ARID1B: variants seen among roughly 807,000 people sequenced by gnomAD.
ARID1B encodes the protein AT-rich interactive domain-containing protein 1B.
A neutral mutation model predicts 212.3 loss-of-function variants in ARID1B; 30 were observed. The ratio of observed to expected loss-of-function variants is 0.14; its 90% confidence interval spans 0.11 to 0.19. The LOEUF is 0.19. Ranked by LOEUF, ARID1B falls within the 10% of genes least tolerant of loss-of-function variation. The pLI is 1.00. For missense variants in ARID1B, 2,891 were observed against 3,204.0 expected, an observed-to-expected ratio of 0.90 and a Z score of 2.36; for synonymous variants, 1,402 against 1,301.7, an observed-to-expected ratio of 1.08 and a Z score of -1.66.
At chr6:156,799,485 T>C (rs1189188402) in intron 1 of ARID1B, among the ~76,000 whole-genome samples, 1 of 152,208 alleles carries the variant, frequency 6.6e-6, no homozygotes, top group Non-Finnish European at 1.5e-5. Context: ...TCAGTTGATA[T>C]ATATATATTT....
At chr6:156,988,846 A>T (rs536861816) in intron 4 of ARID1B, among the ~76,000 whole-genome samples, 1 of 152,280 alleles carries the variant, frequency 6.6e-6, no homozygotes, top group East Asian at 1.9e-4. Context: ...CCAGTTCCTT[A>T]CCTGTAACCT....
intron 5 of ARID1B, among the ~76,000 whole-genome samples, chr6:157,101,047 T>C (rs1368543444): frequency 2.0e-5 from 3 of 152,242 alleles, no homozygotes; most frequent in Non-Finnish European, 4.4e-5. Context: ...CCGATTTCCA[T>C]GAGGCTGTAC....
At chr6:156,876,543 C>G (rs970275410) in intron 2 of ARID1B, among the ~76,000 whole-genome samples, 1 of 152,196 alleles carries the variant, frequency 6.6e-6, no homozygotes, top group Non-Finnish European at 1.5e-5. Flanking sequence ...CCCCAGTCCA[C>G]CGTTTGCCCC....
At chr6:157,022,546 C>G (rs1363472747) in intron 4 of ARID1B, 1 of 152,196 alleles carries the variant, frequency 6.6e-6, no homozygotes, top group Non-Finnish European at 1.5e-5. Flanking sequence ...ATGTTGCAAT[C>G]TGCAATCTAG....
chr6:157,205,976 C>G, intron 19 of ARID1B, 191 bp from the exon 20 acceptor site: 1 of 661,378 alleles, frequency 1.5e-6, no homozygotes, highest in Non-Finnish European at 2.7e-6. Context: ...TTAGTTTATA[C>G]TGTAAAATTC....
Position 156,778,634 on chromosome 6 carries a change from C to T in ARID1B, c.954C>T (p.Gly318=), listed in dbSNP as rs745740327. The T allele has an allele frequency of 1.7e-4, 250 of 1,443,964 alleles. 1 individual carries two copies. The South Asian group carries it at 3.3e-3, about 19-fold the overall frequency. 89.4% of individuals were successfully genotyped at this position (1,443,964 alleles called of 1,614,324 possible). A position where few individuals can be genotyped will look rare whatever the true frequency, so the allele number is the denominator to read the frequency against. Residue 318 remains glycine (G), a synonymous_variant, in exon 1 of 20, where the codon GGC becomes GGT. Transcript: ENST00000636930. The stretch of plus-strand genomic sequence containing the variant: ...TCCCGGAGTTTAATAATTACTATGG[C>T]AGCGCTGCCCCTGCGAGCGGCGGCC... ...AAVPEFNNYY[G]SAAPASGGPG...
chr6:156,921,691 A>G (rs562915485), intron 3 of ARID1B, among the ~76,000 whole-genome samples: 1 of 152,352 alleles, frequency 6.6e-6, no homozygotes, highest in Admixed American at 6.5e-5. Context: ...CAAATGATCC[A>G]TTTTAACATC....
chr6:157,071,252 A>G (rs1341680666), intron 4 of ARID1B: 1 of 152,214 alleles, frequency 6.6e-6, no homozygotes, highest in Non-Finnish European at 1.5e-5. Context: ...ACACAAGGGC[A>G]CACCTTGGAA....
At chr6:157,118,391 T>TA (rs1787474977) in intron 6 of ARID1B, among the ~76,000 whole-genome samples, 1 of 152,244 alleles carries the variant, frequency 6.6e-6, no homozygotes, top group Non-Finnish European at 1.5e-5. Flanking sequence ...TTTCTAGTTT[T>TA]AAAGAGTAAG....
In ARID1B at chr6:157,148,810, T is replaced by C; in HGVS notation, c.2948T>C (p.Met983Thr). The C allele has an allele frequency of 6.2e-7, 1 of 1,612,972 alleles. No individual in the cohort carries two copies. Among genetic ancestry groups the C allele is most frequent in the African/African-American group, 1.3e-5 (1 of 75,026 alleles). ...CAGAACAGACCATTTCCTGGAAATA[T>C]GAGCAGCATGACCCCCAGTTCTCCT... ...GMQNRPFPGN[M>T]SSMTPSSPGM... is the part of the protein sequence containing the mutation. The change falls in exon 8 of 20, where the codon ATG becomes ACG. Residue 983 changes from methionine (M) to threonine (T), a missense_variant. Met to Thr is a moderately conservative substitution (Grantham distance 81, BLOSUM62 -1). Around this residue, in one of 7 missense-constraint regions of ARID1B, gnomAD observed 1,643 missense variants for 1,544.0 expected, o/e 1.06. Coordinates refer to ENST00000636930, the MANE Select transcript of ARID1B (RefSeq NM_001374828.1). This position sits in a 1 kb window ranked among gnomAD's most constrained non-coding sequence, Gnocchi z 5.6.
intron 6 of ARID1B, among the ~76,000 whole-genome samples, chr6:157,126,413 C>T (rs900718387): frequency 2.0e-5 from 3 of 152,070 alleles, no homozygotes; most frequent in African/African-American, 4.8e-5. Flanking sequence ...TAACTTCTCT[C>T]TAAGGATTTT....
chr6:156,860,808 CAG>C lies in ARID1B; in HGVS notation c.1986+31389_1986+31390del, dbSNP rs953877175. Among the ~76,000 whole-genome samples, 4 of 152,182 alleles carry C rather than the reference CAG, an allele frequency of 2.6e-5. No individual in the cohort carries two copies. The East Asian group carries it at 5.8e-4, about 22-fold the overall frequency. ...CATAATTAGGACATAGAACTTAAAA[CAG>C]AAATTCTTTTTTTTCCCCCTCTACT... On this transcript the variant is annotated intron_variant, in intron 2 of 19. Coordinates refer to ENST00000636930, the MANE Select transcript of ARID1B (RefSeq NM_001374828.1).
Position 156,778,292 on chromosome 6 carries a change from A to AACAGCAG in ARID1B, c.612_613insACAGCAG (p.Gln205ThrfsTer112). On this transcript the variant is annotated frameshift_variant, in exon 1 of 20. Coordinates refer to ENST00000636930, the MANE Select transcript of ARID1B (RefSeq NM_001374828.1). LOFTEE classifies it high-confidence loss of function. ...TCCAGCAGCAGCAGCAGCAGCAGCA[A>AACAGCAG]CAGCAGCAGCAGCAGCAGCAGCAAC... is the stretch of plus-strand genomic sequence containing the variant. The AACAGCAG allele has an allele frequency of 1.3e-6, 2 of 1,518,318 alleles. No individual in the cohort carries two copies. Among genetic ancestry groups the AACAGCAG allele is most frequent in the African/African-American group, 1.6e-5 (1 of 64,486 alleles). The allele number at this position is 1,518,318 out of a possible 1,614,324, so 94.1% of individuals were successfully genotyped here.
At chr6:157,076,200 A>C (rs1327833501) in intron 4 of ARID1B, among the ~76,000 whole-genome samples, 4 of 152,246 alleles carry the variant, frequency 2.6e-5, no homozygotes, top group Non-Finnish European at 5.9e-5. Context: ...GTAGAATATC[A>C]AAATAACCAA....
chr6:157,041,931 G>A (rs556178676), intron 4 of ARID1B, among the ~76,000 whole-genome samples: 1 of 152,218 alleles, frequency 6.6e-6, no homozygotes, highest in South Asian at 2.1e-4. Context: ...CCCTGTGCCT[G>A]CCTCCTTGCG....
chr6:156,787,168 G>A (rs1201209869), intron 1 of ARID1B, among the ~76,000 whole-genome samples: 1 of 151,824 alleles, frequency 6.6e-6, no homozygotes, highest in African/African-American at 2.4e-5. Flanking sequence ...ATATAGAATG[G>A]TCCTTTTTCT....
intron 1 of ARID1B, among the ~76,000 whole-genome samples, chr6:156,793,920 C>A (rs1052364161): frequency 2.0e-5 from 3 of 152,236 alleles, no homozygotes; most frequent in African/African-American, 7.2e-5. Context: ...GCAATCCTTT[C>A]AACAGTCTTG....
chr6:156,813,463 T>C (rs1302354801), intron 1 of ARID1B, among the ~76,000 whole-genome samples: 3 of 152,160 alleles, frequency 2.0e-5, no homozygotes, highest in Non-Finnish European at 2.9e-5. Flanking sequence ...CTCGTTCTTA[T>C]TTATGTAGCA....
rs112379294 is a variant in ARID1B at position 157,058,693 on chromosome 6, C to T, written c.2248-25969C>T. 7.3e-3 allele frequency among the ~76,000 whole-genome samples: 1,106 copies of T among 152,364 alleles called. 19 individuals are homozygous for T. Among genetic ancestry groups the T allele is most frequent in the African/African-American group, 0.025 (1,027 of 41,582 alleles). On this transcript the variant is annotated intron_variant, in intron 4 of 19. Coordinates refer to ENST00000636930, the MANE Select transcript of ARID1B (RefSeq NM_001374828.1). ...TCCGCGGGAGGCAGCTTGAGGCTCA[C>T]AGCGTCTTCCTGCCTCACTCACCCG...
Sources: gnomAD v4.1 joint callset for allele counts (sites outside exome capture counted in the v4.1 genomes callset) on GRCh38, gnomAD v4.1.1 for gene constraint, gnomAD v4.1.1 regional missense constraint, Gnocchi (gnomAD v3.1) non-coding constraint, MANE v1.5 for transcripts, NCBI Gene and HGNC (gene_info 2026-07-23, HGNC 2026-07-21) for gene names.